SLC44A1: variants seen among roughly 807,000 people sequenced by gnomAD.
SLC44A1 encodes the protein choline transporter-like protein 1.
A neutral mutation model predicts 79.3 loss-of-function variants in SLC44A1; 26 were observed. That is an observed-to-expected ratio of 0.33 (90% CI 0.24 to 0.46). The LOEUF is 0.46. SLC44A1 is among the 20% of genes least tolerant of loss of function. SLC44A1 has a pLI of 1.00. For synonymous variants in SLC44A1, 263 were observed against 286.2 expected (o/e 0.92, Z 0.82); for missense variants, 688 against 798.1 (o/e 0.86, Z 1.66).
chr9:105,261,308 T>A (rs1410883317), intron 1 of SLC44A1, among the ~76,000 whole-genome samples: 1 of 152,216 alleles, frequency 6.6e-6, no homozygotes. Context: ...CTTCTTTCCC[T>A]TCTGCCACAC....
chr9:105,329,413 C>T (rs1161147819), intron 3 of SLC44A1, among the ~76,000 whole-genome samples: 1 of 152,008 alleles, frequency 6.6e-6, no homozygotes, highest in African/African-American at 2.4e-5. Flanking sequence ...CGGCAGGAGG[C>T]GGCCAGCAGA....
chr9:105,347,949 ACTC>A (rs947584670), intron 4 of SLC44A1, among the ~76,000 whole-genome samples: 4 of 151,898 alleles, frequency 2.6e-5, no homozygotes, highest in African/African-American at 4.8e-5. Context: ...TCCCAGTTCT[ACTC>A]CTACTAGCTC....
At chr9:105,364,095 A>C (rs1827867399) in intron 9 of SLC44A1, among the ~76,000 whole-genome samples, 1 of 152,222 alleles carries the variant, frequency 6.6e-6, no homozygotes, top group African/African-American at 2.4e-5. Flanking sequence ...GTTAAGCTTA[A>C]ATGGAACTAA....
chr9:105,265,426 G>GTGT (rs1327552918), intron 1 of SLC44A1, among the ~76,000 whole-genome samples: 3 of 152,156 alleles, frequency 2.0e-5, no homozygotes, highest in South Asian at 4.1e-4. Context: ...CTTTTCTTCA[G>GTGT]TGTAATGCAT....
At chr9:105,292,349 CAAAG>C (rs1392601282) in intron 1 of SLC44A1, among the ~76,000 whole-genome samples, 3 of 152,126 alleles carry the variant, frequency 2.0e-5, no homozygotes, top group African/African-American at 4.8e-5. Context: ...TGTCAGAAAA[CAAAG>C]GAAGATATTT....
At chr9:105,429,646 G>A (rs548247722) in intron 15 of SLC44A1, among the ~76,000 whole-genome samples, 2 of 152,178 alleles carry the variant, frequency 1.3e-5, no homozygotes, top group South Asian at 4.1e-4. Flanking sequence ...TGCCTACTGA[G>A]GGGAAAACAA....
intron 3 of SLC44A1, among the ~76,000 whole-genome samples, chr9:105,314,103 G>A (rs1002558297): frequency 6.6e-6 from 1 of 152,096 alleles, no homozygotes; most frequent in Non-Finnish European, 1.5e-5. Flanking sequence ...GAGGAAGCTC[G>A]CTGTCTTCCA....
intron 3 of SLC44A1, among the ~76,000 whole-genome samples, chr9:105,325,454 G>A (rs149789571): frequency 9.2e-5 from 14 of 152,186 alleles, no homozygotes; most frequent in African/African-American, 3.4e-4. Context: ...TAATTATGGA[G>A]GTTGAGAAGT....
At chr9:105,411,859 T>C (rs942467088) in intron 15 of SLC44A1, among the ~76,000 whole-genome samples, 4 of 152,228 alleles carry the variant, frequency 2.6e-5, no homozygotes, top group African/African-American at 9.6e-5. Context: ...TACTGTGTGC[T>C]AACTTTGATC....
chr9:105,315,452 A>G (rs1831297283), intron 3 of SLC44A1, among the ~76,000 whole-genome samples: 1 of 152,134 alleles, frequency 6.6e-6, no homozygotes, highest in East Asian at 1.9e-4. Context: ...TTTAGTGGCC[A>G]CTGATCACCT....
chr9:105,388,916 C>T, intron 15 of SLC44A1, 117 bp from the exon 16 acceptor site: 1 of 756,094 alleles, frequency 1.3e-6, no homozygotes, highest in Non-Finnish European at 2.4e-6. Flanking sequence ...GAGAAGGATT[C>T]TCAGTCCATT....
intron 1 of SLC44A1, among the ~76,000 whole-genome samples, chr9:105,285,529 C>A (rs1830453898): frequency 6.6e-6 from 1 of 152,144 alleles, no homozygotes; most frequent in South Asian, 2.1e-4. Context: ...AGCAACAAGG[C>A]TGTTTATTTC....
At chr9:105,352,041 G>A (rs943025891) in intron 5 of SLC44A1, among the ~76,000 whole-genome samples, 3 of 152,090 alleles carry the variant, frequency 2.0e-5, no homozygotes, top group Non-Finnish European at 4.4e-5. Context: ...TGGGAGGATC[G>A]CTTGAGTCTG....
chr9:105,421,737 A>G (rs573088283), intron 15 of SLC44A1, among the ~76,000 whole-genome samples: 23 of 151,830 alleles, frequency 1.5e-4, no homozygotes, highest in Non-Finnish European at 1.9e-4. Context: ...ACAGGTGCCT[A>G]CCACGGCGCC....
intron 1 of SLC44A1, among the ~76,000 whole-genome samples, chr9:105,249,257 A>G (rs1166152687): frequency 1.3e-5 from 2 of 152,350 alleles, no homozygotes; most frequent in South Asian, 2.1e-4. Context: ...TAATAATACC[A>G]TCATCTGTAT....
chr9:105,410,880 C>A (rs2131506807), intron 15 of SLC44A1, among the ~76,000 whole-genome samples: 1 of 152,222 alleles, frequency 6.6e-6, no homozygotes, highest in Admixed American at 6.5e-5. Context: ...CTCATACATG[C>A]AACAACATGG....
At position 105,254,087 on chromosome 9, in the gene SLC44A1, GC is replaced by G. The variant is rs371310803; in HGVS notation, c.36+9184del. On this transcript the variant is annotated intron_variant, in intron 1 of 15. Transcript: ENST00000374720. ...TAAAAAAAACCCTTAAATCCAAATA[GC>G]TAAAACATTAAGGAAAATTGATTAT... is the stretch of plus-strand genomic sequence containing the variant. 5.6e-4 allele frequency among the ~76,000 whole-genome samples: 86 copies of G among 152,248 alleles called. 1 individual carries two copies. In the East Asian group the frequency reaches 0.012, roughly 20 times the overall value.
chr9:105,317,060 A>G (rs1275629901), intron 3 of SLC44A1, among the ~76,000 whole-genome samples: 1 of 152,146 alleles, frequency 6.6e-6, no homozygotes, highest in African/African-American at 2.4e-5. Flanking sequence ...CATTGAGGCT[A>G]TTGACAGAAT....
chr9:105,256,938 C>G (rs954458440), intron 1 of SLC44A1, among the ~76,000 whole-genome samples: 3 of 151,650 alleles, frequency 2.0e-5, no homozygotes, highest in Admixed American at 2.0e-4. Flanking sequence ...AGGTGCCCAC[C>G]ACGACAGAGG....
Sources: gnomAD v4.1 joint callset for allele counts (sites outside exome capture counted in the v4.1 genomes callset) on GRCh38, gnomAD v4.1.1 for gene constraint, MANE v1.5 for transcripts, NCBI Gene and HGNC (gene_info 2026-07-23, HGNC 2026-07-21) for gene names.